LCK: variants seen among roughly 807,000 people sequenced by gnomAD.
The protein encoded by LCK is LCK proto-oncogene, Src family tyrosine kinase.
In LCK, 14 loss-of-function variants were observed where a neutral mutation model predicts 64.6. That is an observed-to-expected ratio of 0.22 (90% CI 0.14 to 0.34). LCK has a LOEUF of 0.34. Ranked by LOEUF, LCK falls within the 10% of genes least tolerant of loss-of-function variation. The pLI is 1.00. For synonymous variants in LCK, 277 were observed against 263.6 expected (o/e 1.05, Z -0.49); for missense variants, 434 against 668.1 (o/e 0.65, Z 3.86).
At chr1:32,279,503 T>C in intron 9 of LCK, 168 bp from the exon 10 acceptor site, 1 of 1,380,868 alleles carries the variant, frequency 7.2e-7, no homozygotes. Flanking sequence ...CAAAAAAACC[T>C]TTACATATCC....
intron 1 of LCK, among the ~76,000 whole-genome samples, chr1:32,261,287 G>A (rs1639762581): frequency 7.1e-6 from 1 of 140,690 alleles, no homozygotes; most frequent in African/African-American, 2.7e-5. Flanking sequence ...TCACTCCATG[G>A]ACCAGGCTGG....
rs567097763 is a variant in LCK at position 32,262,175 on chromosome 1, C to T, written c.-6+10804C>T. 1.5e-4 allele frequency among the ~76,000 whole-genome samples: 22 copies of T among 143,144 alleles called. 2 individuals are homozygous for T. The South Asian group carries it at 4.8e-3, about 31-fold the overall frequency. 93.9% of individuals were successfully genotyped at this position (143,144 alleles called of 152,430 possible). On this transcript the variant is annotated intron_variant, in intron 1 of 12. Transcript: ENST00000336890. ...CTGGGGTTACAGGTGTGAGCCACGG[C>T]CCCCGGTAGCCGGACGCCGGCCACT...
chr1:32,280,101 G>A lies in LCK; in HGVS notation c.1218G>A (p.Trp406Ter), dbSNP rs1445804546. ...AREGAKFPIKWTAPEAINYGT... is the reference protein window; with the variant it reads ...AREGAKFPIK ...TAGGGGCCAAGTTTCCCATTAAGTG[G>A]ACAGCGCCAGAAGCCATTAACTACG... The change falls in exon 12 of 13, where the codon TGG becomes TGA. Residue 406 changes from tryptophan (W) to a stop codon, truncating the protein, a stop_gained. Transcript: ENST00000336890. LOFTEE classifies it high-confidence loss of function. The A allele has an allele frequency of 1.9e-6, 3 of 1,614,122 alleles. No individual in the cohort carries two copies. The highest frequency in any genetic ancestry group is 2.5e-6 in the Non-Finnish European group (3 of 1,180,026).
chr1:32,256,400 C>T (rs1020091851), intron 1 of LCK, among the ~76,000 whole-genome samples: 5 of 152,016 alleles, frequency 3.3e-5, no homozygotes, highest in African/African-American at 1.2e-4. Flanking sequence ...AGTTTGAAAC[C>T]AGCCTGGCCA....
chr1:32,270,426 G>A (rs1361481564), intron 1 of LCK, among the ~76,000 whole-genome samples: 3 of 149,528 alleles, frequency 2.0e-5, no homozygotes, highest in Admixed American at 1.3e-4. Flanking sequence ...ATGGAGTCTC[G>A]CTCTGTCATC....
chr1:32,255,847 G>A (rs1011576957), intron 1 of LCK, among the ~76,000 whole-genome samples: 11 of 141,624 alleles, frequency 7.8e-5, no homozygotes, highest in African/African-American at 1.9e-4. Flanking sequence ...CTGTTGCCCC[G>A]GCTGGGGCAC....
chr1:32,269,110 TAAA>T (rs539681482), intron 1 of LCK, among the ~76,000 whole-genome samples: 7 of 99,554 alleles, frequency 7.0e-5, no homozygotes, highest in Admixed American at 1.1e-4. Context: ...AGAGCAAGTC[TAAA>T]AAAAAAAAAA....
intron 1 of LCK, among the ~76,000 whole-genome samples, chr1:32,269,962 T>G (rs946004812): frequency 1.3e-5 from 2 of 152,174 alleles, no homozygotes; most frequent in African/African-American, 4.8e-5. Context: ...GGAGGAATGA[T>G]TTCAGCAAAG....
At chr1:32,269,414 G>A (rs1261778669) in intron 1 of LCK, 1 of 151,448 alleles carries the variant, frequency 6.6e-6, no homozygotes, top group Non-Finnish European at 1.5e-5. Context: ...CTCCAGCCTA[G>A]GTGACAGAGT....
intron 1 of LCK, among the ~76,000 whole-genome samples, chr1:32,260,164 A>C (rs186794925): frequency 4.7e-4 from 72 of 152,118 alleles, no homozygotes; most frequent in Admixed American, 2.6e-3. Context: ...GGTGTGCACC[A>C]CCACGTTCAG....
intron 9 of LCK, among the ~76,000 whole-genome samples, chr1:32,278,479 C>G (rs1640349423): frequency 6.6e-6 from 1 of 152,040 alleles, no homozygotes; most frequent in African/African-American, 2.4e-5. Flanking sequence ...GCTGGGACTA[C>G]AAGCATGTGC....
chr1:32,271,521 T>TA (rs1485136018), intron 1 of LCK, among the ~76,000 whole-genome samples: 1 of 151,932 alleles, frequency 6.6e-6, no homozygotes, highest in Non-Finnish European at 1.5e-5. Flanking sequence ...CTAGAACAAA[T>TA]AAAAAATCAC....
At chr1:32,267,247 C>A (rs559589200) in intron 1 of LCK, among the ~76,000 whole-genome samples, 1 of 152,144 alleles carries the variant, frequency 6.6e-6, no homozygotes, top group Admixed American at 6.6e-5. Context: ...CACCTCCCCC[C>A]AGGACTCCTA....
chr1:32,283,404 A>G (rs1240559868), intron 12 of LCK, among the ~76,000 whole-genome samples: 1 of 152,024 alleles, frequency 6.6e-6, no homozygotes, highest in Non-Finnish European at 1.5e-5. Context: ...GCTTTCCAGG[A>G]GCAAAACTTT....
intron 1 of LCK, chr1:32,274,098 G>A (rs894710839): frequency 1.9e-5 from 17 of 908,260 alleles, no homozygotes; most frequent in Middle Eastern, 5.6e-4. Context: ...TGGGGCTAGG[G>A]CTCAGGGGCC....
chr1:32,261,510 G>C (rs1347076638), intron 1 of LCK, among the ~76,000 whole-genome samples: 3 of 149,896 alleles, frequency 2.0e-5, no homozygotes, highest in African/African-American at 7.4e-5. Flanking sequence ...GCTGGGCCTG[G>C]TGGAACGTGA....
rs1640608699 is a variant in LCK at position 32,286,158 on chromosome 1, C to G, written c.*442C>G. 1 of 263,674 alleles carries G rather than the reference C, an allele frequency of 3.8e-6. No homozygotes were observed. The allele number at this position is 263,674 out of a possible 1,614,324, so 16.3% of individuals were successfully genotyped here. On this transcript the variant is annotated 3_prime_UTR_variant, in exon 13 of 13. Coordinates refer to ENST00000336890, the MANE Select transcript of LCK (RefSeq NM_005356.5). Reference sequence around the variant, plus strand: ...GAGTTCAATAAATGTCTGTTGATGACTGTTGTACATCTCTTTGCTGTCCAC... The same window carrying G: ...GAGTTCAATAAATGTCTGTTGATGAGTGTTGTACATCTCTTTGCTGTCCAC...
chr1:32,261,987 G>A (rs1280188002), intron 1 of LCK, among the ~76,000 whole-genome samples: 2 of 142,928 alleles, frequency 1.4e-5, no homozygotes, highest in Non-Finnish European at 3.0e-5. Context: ...AGATTCTCCT[G>A]CCTCAGCCTC....
chr1:32,253,836 C>T (rs755087491), intron 1 of LCK, among the ~76,000 whole-genome samples: 3 of 149,240 alleles, frequency 2.0e-5, no homozygotes, highest in East Asian at 2.0e-4. Context: ...GGGTCTCTCA[C>T]GCAGCCACAC....
Sources: gnomAD v4.1 joint callset for allele counts (sites outside exome capture counted in the v4.1 genomes callset) on GRCh38, gnomAD v4.1.1 for gene constraint, MANE v1.5 for transcripts, NCBI Gene and HGNC (gene_info 2026-07-23, HGNC 2026-07-21) for gene names.